Variants in CLCN1 observed in about 807,000 individuals in gnomAD.
CLCN1 encodes chloride voltage-gated channel 1.
CLCN1 carries 100 observed loss-of-function variants against 114.5 expected under a neutral mutation model. The observed-to-expected ratio is 0.87, with a 90% CI of 0.74 to 1.03. The LOEUF (loss-of-function observed/expected upper bound fraction) is 1.03, where lower values mean the gene tolerates loss of function less well. Ranked by LOEUF, CLCN1 falls within the 50% of genes least tolerant of loss-of-function variation. The pLI, the probability that CLCN1 is intolerant of heterozygous loss-of-function variation, is 0.00. For synonymous variants in CLCN1, 485 were observed against 487.1 expected, an observed-to-expected ratio of 1.00 and a Z score of 0.06; for missense variants, 1,188 against 1,250.0, an observed-to-expected ratio of 0.95 and a Z score of 0.75.
intron 2 of CLCN1, among the ~76,000 whole-genome samples, chr7:143,320,393 G>A (rs1802392568): frequency 1.3e-5 from 2 of 152,118 alleles, no homozygotes; most frequent in South Asian, 4.1e-4. Context: ...GTATTCATGG[G>A]GAACTGGGCT....
At chr7:143,335,656 G>GTT (rs199928109) in intron 12 of CLCN1, among the ~76,000 whole-genome samples, 2,492 of 106,766 alleles carry the variant, frequency 0.023, 82 homozygotes, top group Middle Eastern at 0.051. Context: ...CAATTCAGCT[G>GTT]TTTTGTTTTT....
chr7:143,350,552 T>G lies in CLCN1; in HGVS notation c.2509-16T>G, dbSNP rs774042985. On this transcript the variant is annotated splice_polypyrimidine_tract_variant and intron_variant, in intron 21 of 22. Coordinates refer to ENST00000343257, the MANE Select transcript of CLCN1 (RefSeq NM_000083.3). The surrounding 1 kb of genome is among the most constrained non-coding windows in gnomAD (Gnocchi z 5.1). ...GGGGCAAGGAACATGCACTGACCTGTGCTCTTCATCCTCAGACTCATACCC... is the reference window on the plus strand; with the variant it reads ...GGGGCAAGGAACATGCACTGACCTGGGCTCTTCATCCTCAGACTCATACCC... 2.5e-6 allele frequency: 4 copies of G among 1,613,206 alleles called. No individual in the cohort carries two copies. The East Asian group carries it at 8.9e-5, about 36-fold the overall frequency.
chr7:143,324,555 A>C lies in CLCN1; in HGVS notation c.853+63A>C, dbSNP rs892814977. ...CTGGCCTGGCTCCCAAAACAGTTTT[A>C]ATCAGTATCCACAAGTGCTGGTATT... On this transcript the variant is annotated intron_variant, in intron 7 of 22. Transcript: ENST00000343257. This position sits in a 1 kb window ranked among gnomAD's most constrained non-coding sequence, Gnocchi z 4.6. 2.4e-5 allele frequency: 30 copies of C among 1,256,596 alleles called. No individual in the cohort carries two copies. In the African/African-American group the frequency reaches 3.8e-4, roughly 16 times the overall value. 77.8% of individuals were successfully genotyped at this position (1,256,596 alleles called of 1,614,324 possible).
intron 2 of CLCN1, 116 bp from the exon 3 acceptor site, chr7:143,320,548 T>TG: frequency 9.6e-7 from 1 of 1,040,144 alleles, no homozygotes; most frequent in African/African-American, 1.6e-5. Flanking sequence ...ACTCGTTAGC[T>TG]GCTTTTCTCT....
At chr7:143,341,571 TTAA>T (rs5888095) in intron 14 of CLCN1, among the ~76,000 whole-genome samples, 128,429 of 146,282 alleles carry the variant, frequency 0.88, 56,545 homozygotes, top group African/African-American at 0.94. Context: ...ATAATAATAA[TTAA>T]TAATAATAAT....
chr7:143,321,944 A>G lies in CLCN1; in HGVS notation c.696+96A>G. 1.4e-6 allele frequency: 2 copies of G among 1,425,472 alleles called. No individual in the cohort carries two copies. The highest frequency in any genetic ancestry group is 1.3e-5 in the South Asian group (1 of 79,836). The allele number at this position is 1,425,472 out of a possible 1,614,324, so 88.3% of individuals were successfully genotyped here. Reference sequence around the variant, plus strand: ...GGAGCTCTGGGAGTGGAAGTGGATCAGGGGACAGGACCAAGGCCAGGGCCA... The same window carrying G: ...GGAGCTCTGGGAGTGGAAGTGGATCGGGGGACAGGACCAAGGCCAGGGCCA... On this transcript the variant is annotated intron_variant, in intron 5 of 22. Transcript: ENST00000343257. This position sits in a 1 kb window ranked among gnomAD's most constrained non-coding sequence, Gnocchi z 4.2.
At position 143,332,826 on chromosome 7, in the gene CLCN1, C is replaced by T. The variant is rs1416813045; in HGVS notation, c.1354C>T (p.Pro452Ser). The change falls in exon 12 of 23, where the codon CCC becomes TCC. Residue 452 changes from proline to serine, a missense_variant. Pro to Ser is a moderately conservative substitution (Grantham distance 74). Coordinates refer to ENST00000343257, the MANE Select transcript of CLCN1 (RefSeq NM_000083.3). ...GGGCCAGTCAGCTGTGTGGATTCAC[C>T]CCCGGGTCAACGTTGTCATCATCAT... is the stretch of plus-strand genomic sequence containing the variant. ...SLGQSAVWIH[P>S]RVNVVIIIFL... 5 of 1,614,112 alleles carry T rather than the reference C, an allele frequency of 3.1e-6. No homozygotes were observed. The highest frequency in any genetic ancestry group is 2.2e-5 in the East Asian group (1 of 44,884).
chr7:143,330,999 C>A, intron 8 of CLCN1, 102 bp downstream of exon 8: 3 of 1,549,704 alleles, frequency 1.9e-6, no homozygotes, highest in Non-Finnish European at 2.7e-6. Flanking sequence ...GAATAATGGG[C>A]GGCATCATTT....
chr7:143,342,576 C>A, intron 16 of CLCN1, 71 bp downstream of exon 16: 2 of 1,537,498 alleles, frequency 1.3e-6, no homozygotes, highest in Non-Finnish European at 1.8e-6. Context: ...GTAGAGGAGG[C>A]CCCATGGTGG....
rs759207718 is a variant in CLCN1 at position 143,339,256 on chromosome 7, T to C, written c.1405T>C (p.Trp469Arg). 1 of 1,606,050 alleles carries C rather than the reference T, an allele frequency of 6.2e-7. No individual in the cohort carries two copies. The highest frequency in any genetic ancestry group is 8.5e-7 in the Non-Finnish European group (1 of 1,172,672). ...CCAACGCTTCTTTCTACTCCAGTTC[T>C]GGATGTCCATCGTGGCCACCACTAT... ...IIFLFFVMKF[W>R]MSIVATTMPI... Residue 469 changes from tryptophan (W) to arginine (R), a missense_variant, in exon 13 of 23, where the codon TGG becomes CGG. Transcript: ENST00000343257. This position sits in a 1 kb window ranked among gnomAD's most constrained non-coding sequence, Gnocchi z 4.1.
At chr7:143,322,118 G>A (rs1403522358) in intron 5 of CLCN1, among the ~76,000 whole-genome samples, 1 of 152,242 alleles carries the variant, frequency 6.6e-6, no homozygotes, top group African/African-American at 2.4e-5. Context: ...TGGGGAGGCT[G>A]TTCTGTGCAG....
chr7:143,324,407 C>T lies in CLCN1; in HGVS notation c.775-7C>T. On this transcript the variant is annotated splice_polypyrimidine_tract_variant and splice_region_variant and intron_variant, in intron 6 of 22. Coordinates refer to ENST00000343257, the MANE Select transcript of CLCN1 (RefSeq NM_000083.3). This position sits in a 1 kb window ranked among gnomAD's most constrained non-coding sequence, Gnocchi z 4.6. ...ACCTGTTTCTCTGTCTGTCTCTCCC[C>T]TAGTAGCAGCCATACTACTACTCTG... The T allele has an allele frequency of 1.2e-6, 2 of 1,607,948 alleles. No individual in the cohort carries two copies. Among genetic ancestry groups the T allele is most frequent in the Non-Finnish European group, 1.7e-6 (2 of 1,174,540 alleles).
At chr7:143,318,104 A>G (rs1802334490) in intron 1 of CLCN1, among the ~76,000 whole-genome samples, 1 of 152,186 alleles carries the variant, frequency 6.6e-6, no homozygotes, top group Non-Finnish European at 1.5e-5. Flanking sequence ...GGAATGGTAT[A>G]GTGAAGCCCC....
chr7:143,325,747 C>T (rs565826511), intron 7 of CLCN1, among the ~76,000 whole-genome samples: 7 of 152,078 alleles, frequency 4.6e-5, no homozygotes, highest in East Asian at 1.9e-4. Flanking sequence ...GCATTTTCCT[C>T]GTAAAATTGG....
At chr7:143,347,610 G>T (rs1803285602) in intron 20 of CLCN1, among the ~76,000 whole-genome samples, 1 of 117,760 alleles carries the variant, frequency 8.5e-6, no homozygotes, top group Non-Finnish European at 1.7e-5. Flanking sequence ...GACAGATCCA[G>T]ACTTTGCCTC....
intron 14 of CLCN1, 73 bp from the exon 15 acceptor site, chr7:143,341,856 A>G (rs942053347): frequency 8.4e-7 from 1 of 1,192,522 alleles, no homozygotes; most frequent in Non-Finnish European, 1.2e-6. Context: ...TGTTATTCCC[A>G]TCCCATCCCC....
chr7:143,324,311 A>C lies in CLCN1; in HGVS notation c.775-103A>C. On this transcript the variant is annotated intron_variant, in intron 6 of 22. Coordinates refer to ENST00000343257, the MANE Select transcript of CLCN1 (RefSeq NM_000083.3). This position sits in a 1 kb window ranked among gnomAD's most constrained non-coding sequence, Gnocchi z 4.6. The stretch of plus-strand genomic sequence containing the variant: ...GGACCACAAGGACTCCTTTTGACTT[A>C]GGCCTCTCATTCTGCCTTATTCCCC... 1 of 835,894 alleles carries C rather than the reference A, an allele frequency of 1.2e-6. No individual in the cohort carries two copies. Among genetic ancestry groups the C allele is most frequent in the East Asian group, 2.4e-5 (1 of 41,176 alleles). 51.8% of individuals were successfully genotyped at this position (835,894 alleles called of 1,614,324 possible). A position where few individuals can be genotyped will look rare whatever the true frequency, so the allele number is the denominator to read the frequency against.
intron 12 of CLCN1, among the ~76,000 whole-genome samples, chr7:143,334,371 C>T (rs918369460): frequency 2.6e-5 from 4 of 152,026 alleles, no homozygotes; most frequent in African/African-American, 9.7e-5. Flanking sequence ...CTTTTGAATA[C>T]CTTGCTATTA....
chr7:143,343,997 T>C (rs1477182375), intron 16 of CLCN1, among the ~76,000 whole-genome samples: 1 of 152,096 alleles, frequency 6.6e-6, no homozygotes, highest in Non-Finnish European at 1.5e-5. Flanking sequence ...TGCACCACCA[T>C]GCCCAGCTAA....
Sources: allele counts gnomAD v4.1 joint callset (sites outside exome capture counted in the v4.1 genomes callset), GRCh38; gene constraint gnomAD v4.1.1; non-coding constraint Gnocchi (gnomAD v3.1); transcripts MANE v1.5; gene names NCBI Gene and HGNC (gene_info 2026-07-23, HGNC 2026-07-21).